SMC5: variants seen among roughly 807,000 people sequenced by gnomAD.
SMC5 encodes the protein structural maintenance of chromosomes 5, also known as structural maintenance of chromosomes protein 5.
A neutral mutation model predicts 148.3 loss-of-function variants in SMC5; 88 were observed. The observed-to-expected ratio is 0.59, with a 90% CI of 0.50 to 0.71. The LOEUF is 0.71. Ranked by LOEUF, SMC5 falls within the 30% of genes least tolerant of loss-of-function variation. SMC5 has a pLI of 0.00. For missense variants in SMC5, 1,142 were observed against 1,298.9 expected (o/e 0.88, Z 1.86); for synonymous variants, 421 against 432.8 (o/e 0.97, Z 0.34).
intron 3 of SMC5, among the ~76,000 whole-genome samples, chr9:70,274,555 G>C (rs1365901414): frequency 1.3e-5 from 2 of 150,814 alleles, no homozygotes; most frequent in Admixed American, 6.6e-5. Flanking sequence ...ATTTAAACTA[G>C]TATAGCTGTA....
chr9:70,287,041 G>A (rs969737669), intron 8 of SMC5, among the ~76,000 whole-genome samples: 4 of 151,944 alleles, frequency 2.6e-5, no homozygotes, highest in African/African-American at 9.7e-5. Flanking sequence ...TATTTTTATT[G>A]TTGAGTTTTA....
chr9:70,346,606 A>G lies in SMC5; in HGVS notation c.2525A>G (p.Gln842Arg), dbSNP rs369192162. ...EQTLPQEYQT[Q>R]VPTIPNGHNS... is the part of the protein sequence containing the mutation. ...TCTGGACCCATTCTACCAATTCAGC[A>G]AGTACCCACCATTCCAAATGGACAC... The change falls in exon 19 of 25, where the codon CAA (glutamine) becomes CGA (arginine). Residue 842 changes from glutamine to arginine, a missense_variant and splice_region_variant. Coordinates refer to ENST00000361138, the MANE Select transcript of SMC5 (RefSeq NM_015110.4). The G allele has an allele frequency of 1.2e-6, 2 of 1,613,854 alleles. No homozygotes were observed. Among genetic ancestry groups the G allele is most frequent in the African/African-American group, 2.7e-5 (2 of 74,890 alleles).
At chr9:70,285,631 A>G (rs1037938675) in intron 7 of SMC5, among the ~76,000 whole-genome samples, 7 of 152,238 alleles carry the variant, frequency 4.6e-5, no homozygotes, top group African/African-American at 1.7e-4. Flanking sequence ...AAGCCTGTCC[A>G]AGAATAGTAG....
At chr9:70,280,088 T>A (rs2034709385) in intron 5 of SMC5, among the ~76,000 whole-genome samples, 1 of 152,206 alleles carries the variant, frequency 6.6e-6, no homozygotes, top group East Asian at 1.9e-4. Flanking sequence ...AAGTGAATAA[T>A]CAAAGGAGTT....
chr9:70,269,340 T>G (rs903396071), intron 3 of SMC5, among the ~76,000 whole-genome samples: 4 of 152,114 alleles, frequency 2.6e-5, no homozygotes, highest in Non-Finnish European at 5.9e-5. Flanking sequence ...CCCAGCACTA[T>G]GGGAGGCCAA....
At chr9:70,287,587 G>A (rs10868798) in intron 8 of SMC5, among the ~76,000 whole-genome samples, 15,012 of 152,180 alleles carry the variant, frequency 0.099, 757 homozygotes, top group East Asian at 0.14. Context: ...GAAGCATGGT[G>A]TTAATCTCCT....
intron 8 of SMC5, among the ~76,000 whole-genome samples, chr9:70,290,902 C>A (rs1256889071): frequency 1.3e-5 from 2 of 152,080 alleles, no homozygotes; most frequent in East Asian, 3.9e-4. Flanking sequence ...CTTATAAGTC[C>A]ATTTCTGTAC....
At chr9:70,310,504 A>G (rs1244385251) in intron 11 of SMC5, among the ~76,000 whole-genome samples, 1 of 152,178 alleles carries the variant, frequency 6.6e-6, no homozygotes, top group Middle Eastern at 3.2e-3. Context: ...TTTGTTGTTC[A>G]ACTTACAGAG....
rs1487920694 is a variant in SMC5 at position 70,259,213 on chromosome 9, C to T, written c.135C>T (p.Ser45=). 3.1e-6 allele frequency: 5 copies of T among 1,606,128 alleles called. No homozygotes were observed. Among genetic ancestry groups the T allele is most frequent in the Admixed American group, 1.7e-5 (1 of 58,972 alleles). ...SAPQLPLLQS[S]GPFVEGSIVR... is the part of the protein sequence containing the mutation. The stretch of plus-strand genomic sequence containing the variant: ...CGCAGCTGCCGCTGTTGCAGTCGTC[C>T]GGGCCTTTCGTGGAAGGCTCTATCG... The change falls in exon 1 of 25, where the codon TCC becomes TCT. Residue 45 remains serine (S), a synonymous_variant. Coordinates refer to ENST00000361138, the MANE Select transcript of SMC5 (RefSeq NM_015110.4).
intron 17 of SMC5, among the ~76,000 whole-genome samples, chr9:70,333,826 A>G (rs1186917117): frequency 6.6e-6 from 1 of 152,204 alleles, no homozygotes; most frequent in African/African-American, 2.4e-5. Flanking sequence ...GCTGAGAGAA[A>G]TTAAATACAT....
intron 2 of SMC5, 107 bp from the exon 3 acceptor site, chr9:70,267,816 G>A: frequency 1.1e-6 from 1 of 915,116 alleles, no homozygotes; most frequent in Non-Finnish European, 1.7e-6. Context: ...CATACAAGTG[G>A]TACCTGAAAA....
At chr9:70,329,405 T>G (rs984819034) in intron 17 of SMC5, among the ~76,000 whole-genome samples, 1 of 152,216 alleles carries the variant, frequency 6.6e-6, no homozygotes, top group Non-Finnish European at 1.5e-5. Flanking sequence ...TAGAAATTTC[T>G]TCCACCGGAT....
chr9:70,281,530 A>G (rs2034749835), intron 6 of SMC5, among the ~76,000 whole-genome samples: 1 of 152,244 alleles, frequency 6.6e-6, no homozygotes, highest in Non-Finnish European at 1.5e-5. Context: ...AGAATTTATT[A>G]AGACTACAGT....
At chr9:70,325,250 T>C (rs963103087) in intron 17 of SMC5, among the ~76,000 whole-genome samples, 2 of 152,178 alleles carry the variant, frequency 1.3e-5, no homozygotes, top group African/African-American at 4.8e-5. Flanking sequence ...AATACAGACT[T>C]TCCTATTGCT....
chr9:70,314,800 C>A lies in SMC5; in HGVS notation c.1637C>A (p.Ala546Glu). The part of the protein sequence containing the change: ...NAVIAPKSSY[A>E]DKAPSRSLNE... ...GTTATTGCTCCCAAGAGTTCATATG[C>A]AGACAAAGCACCTTCAAGATCTTTG... Residue 546 changes from alanine (A) to glutamate (E), a missense_variant, in exon 12 of 25, where the codon GCA becomes GAA. Physicochemically the swap from Ala to Glu is moderately radical, Grantham distance 107. This residue lies in a region of SMC5 where 743 missense variants were observed against 835.7 expected (regional missense o/e 0.89). Transcript: ENST00000361138. 2 of 1,574,618 alleles carry A rather than the reference C, an allele frequency of 1.3e-6. No individual in the cohort carries two copies. The highest frequency in any genetic ancestry group is 1.2e-5 in the South Asian group (1 of 83,752).
At chr9:70,344,929 T>A (rs759564256) in intron 18 of SMC5, among the ~76,000 whole-genome samples, 1 of 152,148 alleles carries the variant, frequency 6.6e-6, no homozygotes, top group Non-Finnish European at 1.5e-5. Context: ...TTTCAGTAGA[T>A]AATGAAATGG....
chr9:70,332,899 ACTT>A (rs2036256685), intron 17 of SMC5, among the ~76,000 whole-genome samples: 1 of 152,202 alleles, frequency 6.6e-6, no homozygotes, highest in Non-Finnish European at 1.5e-5. Context: ...CATTATAAAA[ACTT>A]CTTGCAACTG....
intron 5 of SMC5, among the ~76,000 whole-genome samples, chr9:70,279,911 G>A (rs114716093): frequency 0.017 from 2,515 of 152,112 alleles, 43 homozygotes; most frequent in South Asian, 0.07. Flanking sequence ...GTGTCACAGG[G>A]GTTTGGTGTG....
chr9:70,270,351 T>C (rs1180109), intron 3 of SMC5, among the ~76,000 whole-genome samples: 131,574 of 152,170 alleles, frequency 0.86, 57,155 homozygotes, highest in Non-Finnish European at 0.91. Flanking sequence ...TGGATGTGTT[T>C]CGTAATCTGG....
Sources: allele counts gnomAD v4.1 joint callset (sites outside exome capture counted in the v4.1 genomes callset), GRCh38; gene constraint gnomAD v4.1.1; regional missense constraint gnomAD v4.1.1; transcripts MANE v1.5; gene names NCBI Gene and HGNC (gene_info 2026-07-23, HGNC 2026-07-21).